The following NFASC variants were observed in gnomAD, a reference collection of about 807,000 sequenced individuals.
NFASC encodes neurofascin homolog.
In NFASC, 43 loss-of-function variants were observed where a neutral mutation model predicts 147.5. The observed-to-expected ratio is 0.29, with a 90% CI of 0.23 to 0.38. The LOEUF (loss-of-function observed/expected upper bound fraction) is 0.38, where lower values mean the gene tolerates loss of function less well. Ranked by LOEUF, NFASC falls within the 10% of genes least tolerant of loss-of-function variation. The pLI, the probability that NFASC is intolerant of heterozygous loss-of-function variation, is 1.00. For synonymous variants in NFASC, 622 were observed against 665.5 expected, an observed-to-expected ratio of 0.93 and a Z score of 1.01; for missense variants, 1,320 against 1,689.0, an observed-to-expected ratio of 0.78 and a Z score of 3.83.
At chr1:204,973,523 G>A in intron 12 of NFASC, 104 bp downstream of exon 12, 1 of 1,400,518 alleles carries the variant, frequency 7.1e-7, no homozygotes, top group Non-Finnish European at 9.7e-7. Context: ...CCGGGGATTG[G>A]CCAAGCTGGG....
intron 1 of NFASC, among the ~76,000 whole-genome samples, chr1:204,835,198 G>A (rs1240468248): frequency 6.8e-6 from 1 of 146,404 alleles, no homozygotes; most frequent in Non-Finnish European, 1.5e-5. Flanking sequence ...GCAAGAGGAA[G>A]TACTTGAGGT....
intron 3 of NFASC, 66 bp downstream of exon 3, chr1:204,944,472 G>GGGGGA: frequency 5.0e-6 from 2 of 402,574 alleles, no homozygotes; most frequent in East Asian, 1.3e-4. Flanking sequence ...GGAGGGGAGG[G>GGGGGA]AAGGTCAGAG....
At chr1:204,888,480 A>C (rs929238596) in intron 1 of NFASC, among the ~76,000 whole-genome samples, 1 of 152,170 alleles carries the variant, frequency 6.6e-6, no homozygotes, top group African/African-American at 2.4e-5. Context: ...GGTCATTTCA[A>C]ACTAACTGTC....
chr1:204,906,519 G>C (rs903346665), intron 1 of NFASC, among the ~76,000 whole-genome samples: 1 of 152,166 alleles, frequency 6.6e-6, no homozygotes, highest in Non-Finnish European at 1.5e-5. Flanking sequence ...CTCGCTGCGT[G>C]TATCAGTAGA....
Position 204,968,443 on chromosome 1 carries a change from CA to C in NFASC, c.818+84del. 1 of 978,452 alleles carries C rather than the reference CA, an allele frequency of 1.0e-6. No individual in the cohort carries two copies. The highest frequency in any genetic ancestry group is 1.6e-6 in the Non-Finnish European group (1 of 617,200). The allele number at this position is 978,452 out of a possible 1,614,324, so 60.6% of individuals were successfully genotyped here. ...CTTGTTCATGCTCTTGTTAATGCCA[CA>C]TTTAGTGCATACCAGTAGCACAGCA... On this transcript the variant is annotated intron_variant, in intron 9 of 29. Transcript: ENST00000339876. This position sits in a 1 kb window ranked among gnomAD's most constrained non-coding sequence, Gnocchi z 5.4.
At chr1:204,910,738 A>G (rs1020610239) in intron 1 of NFASC, among the ~76,000 whole-genome samples, 3 of 152,056 alleles carry the variant, frequency 2.0e-5, no homozygotes, top group Middle Eastern at 3.2e-3. Context: ...CCTGACCTCA[A>G]GCTATCCTCC....
At chr1:204,846,243 C>A (rs1159761794) in intron 1 of NFASC, among the ~76,000 whole-genome samples, 1 of 151,030 alleles carries the variant, frequency 6.6e-6, no homozygotes. Context: ...GAGACTGACA[C>A]AAGAAGGTTA....
chr1:204,911,341 G>A (rs1307377253), intron 1 of NFASC, among the ~76,000 whole-genome samples: 3 of 152,120 alleles, frequency 2.0e-5, no homozygotes, highest in Non-Finnish European at 2.9e-5. Context: ...AATTCTGTTT[G>A]CTTATATTTT....
At chr1:204,911,735 CT>C (rs1427305075) in intron 1 of NFASC, among the ~76,000 whole-genome samples, 13 of 152,048 alleles carry the variant, frequency 8.5e-5, no homozygotes, top group African/African-American at 3.1e-4. Context: ...TGGTAGAATT[CT>C]CTAGAGAAAC....
chr1:204,898,214 G>A (rs1044164160), intron 1 of NFASC, among the ~76,000 whole-genome samples: 5 of 152,226 alleles, frequency 3.3e-5, no homozygotes, highest in South Asian at 2.1e-4. Context: ...GCTGCATTAA[G>A]GTCATTAAGA....
Position 204,986,232 on chromosome 1 carries a change from TC to T in NFASC, c.2471-1184del. The T allele has an allele frequency of 1.4e-6, 1 of 715,964 alleles. No individual in the cohort carries two copies. Among genetic ancestry groups the T allele is most frequent in the Non-Finnish European group, 2.4e-6 (1 of 415,614 alleles). 44.4% of individuals were successfully genotyped at this position (715,964 alleles called of 1,614,324 possible). A position where few individuals can be genotyped will look rare whatever the true frequency, so the allele number is the denominator to read the frequency against. Reference sequence around the variant, plus strand: ...GGCACAAGGTGACTTCTGCGAGGCCTCCAGGAGCGGATGACCTGCAAGCCGA... The same window carrying T: ...GGCACAAGGTGACTTCTGCGAGGCCTCAGGAGCGGATGACCTGCAAGCCGA... On this transcript the variant is annotated intron_variant, in intron 21 of 29. Coordinates refer to ENST00000339876, the MANE Select transcript of NFASC (RefSeq NM_001005388.3). This position sits in a 1 kb window ranked among gnomAD's most constrained non-coding sequence, Gnocchi z 4.2.
chr1:204,876,010 G>C (rs79683159), intron 1 of NFASC, among the ~76,000 whole-genome samples: 50 of 152,212 alleles, frequency 3.3e-4, no homozygotes, highest in Admixed American at 1.7e-3. Flanking sequence ...CAGTCATTTG[G>C]GATGTATTGT....
intron 2 of NFASC, chr1:204,929,507 G>C (rs1451185684): frequency 6.6e-6 from 1 of 152,516 alleles, no homozygotes; most frequent in African/African-American, 2.4e-5. Context: ...AGGCTGGTGA[G>C]TGCTTTCCTC....
chr1:204,900,645 G>A (rs1432659790), intron 1 of NFASC, among the ~76,000 whole-genome samples: 1 of 152,102 alleles, frequency 6.6e-6, no homozygotes, highest in Non-Finnish European at 1.5e-5. Context: ...GTGCTAGTGA[G>A]GTATAAATTA....
rs775180346 is a variant in NFASC, at chr1:204,974,687, T to C, written c.1422T>C (p.Asp474=). The change falls in exon 14 of 30, where the codon GAT becomes GAC. Residue 474 remains aspartate, a synonymous_variant. Coordinates refer to ENST00000339876, the MANE Select transcript of NFASC (RefSeq NM_001005388.3). The part of the protein sequence containing the change: ...WFKNGQGSNL[D]GGNYHVYENG... Reference sequence around the variant, plus strand: ...AGAATGGGCAAGGAAGCAACCTGGATGGTGGCAACTACCATGTTTATGAGA... The same window carrying C: ...AGAATGGGCAAGGAAGCAACCTGGACGGTGGCAACTACCATGTTTATGAGA... 64 of 1,614,114 alleles carry C rather than the reference T, an allele frequency of 4.0e-5. No homozygotes were observed. The highest frequency in any genetic ancestry group is 5.0e-5 in the Non-Finnish European group (59 of 1,180,050).
At position 204,979,517 on chromosome 1, in the gene NFASC, C is replaced by A; in HGVS notation, c.2134C>A (p.His712Asn). 1.2e-6 allele frequency: 2 copies of A among 1,613,764 alleles called. No homozygotes were observed. Among genetic ancestry groups the A allele is most frequent in the South Asian group, 2.2e-5 (2 of 91,080 alleles). Reference protein sequence around the residue: ...VIAINEVGSSHPSLPSERYRT... With the variant: ...VIAINEVGSSNPSLPSERYRT... ...TGCCATCAACGAGGTTGGGAGCAGC[C>A]ACCCCAGCCTCCCATCCGAGCGCTA... Residue 712 changes from histidine to asparagine, a missense_variant, in exon 19 of 30, where the codon CAC becomes AAC. By Grantham distance (68) the His-to-Asn change is moderately conservative. Around this residue, in one of 3 missense-constraint regions of NFASC, gnomAD observed 981 missense variants for 1,289.5 expected, o/e 0.76. Transcript: ENST00000339876. The surrounding 1 kb of genome is among the most constrained non-coding windows in gnomAD (Gnocchi z 6.0).
intron 27 of NFASC, among the ~76,000 whole-genome samples, chr1:205,003,788 G>A (rs2096051575): frequency 6.6e-6 from 1 of 152,206 alleles, no homozygotes; most frequent in Non-Finnish European, 1.5e-5. Flanking sequence ...GCTGATCCTG[G>A]TAGCTTGCAT....
At chr1:204,847,470 G>A (rs919304789) in intron 1 of NFASC, among the ~76,000 whole-genome samples, 2 of 152,106 alleles carry the variant, frequency 1.3e-5, no homozygotes, top group Non-Finnish European at 2.9e-5. Context: ...TGCCTACCTA[G>A]GCTGCCTATG....
In NFASC at chr1:205,016,232, G is replaced by A; in HGVS notation, c.3492-76G>A. On this transcript the variant is annotated intron_variant, in intron 29 of 29. Transcript: ENST00000339876. This position sits in a 1 kb window ranked among gnomAD's most constrained non-coding sequence, Gnocchi z 5.1. ...TCCTGGATCCCATCCTCTCTGAGCT[G>A]TGTAGGGCATGTGCTGGCAGGAGGC... is the stretch of plus-strand genomic sequence containing the variant. 3 of 994,084 alleles carry A rather than the reference G, an allele frequency of 3.0e-6. No individual in the cohort carries two copies. Among genetic ancestry groups the A allele is most frequent in the Non-Finnish European group, 4.8e-6 (3 of 624,226 alleles). 61.6% of individuals were successfully genotyped at this position (994,084 alleles called of 1,614,324 possible).
Sources: gnomAD v4.1 joint callset for allele counts (sites outside exome capture counted in the v4.1 genomes callset) on GRCh38, gnomAD v4.1.1 for gene constraint, gnomAD v4.1.1 regional missense constraint, Gnocchi (gnomAD v3.1) non-coding constraint, MANE v1.5 for transcripts, NCBI Gene and HGNC (gene_info 2026-07-23, HGNC 2026-07-21) for gene names.